Variants in ZNF19 observed in about 807,000 individuals in gnomAD.
ZNF19 encodes zinc finger protein 19 (KOX 12).
ZNF19 carries 11 observed loss-of-function variants against 13.1 expected under a neutral mutation model. The observed-to-expected ratio is 0.84, with a 90% CI of 0.53 to 1.39. The LOEUF (loss-of-function observed/expected upper bound fraction) is 1.39, where lower values mean the gene tolerates loss of function less well. ZNF19 is among the 40% of genes most tolerant of loss of function. The probability of loss-of-function intolerance (pLI) is 0.00; values close to 1 mark genes in which losing one functional copy is unlikely to be tolerated. For missense variants in ZNF19, 560 were observed against 547.0 expected, an observed-to-expected ratio of 1.02 and a Z score of -0.24; for synonymous variants, 186 against 187.0, an observed-to-expected ratio of 0.99 and a Z score of 0.04.
At chr16:71,479,267 G>GA (rs1010236629) in intron 3 of ZNF19, among the ~76,000 whole-genome samples, 2 of 151,988 alleles carry the variant, frequency 1.3e-5, no homozygotes, top group African/African-American at 4.8e-5. Flanking sequence ...TAAACCCTAG[G>GA]AAAAAAAGTC....
Position 71,474,479 on chromosome 16 carries a change from T to C in ZNF19, c.*691A>G, listed in dbSNP as rs1051696028. 1 of 152,244 alleles carries C rather than the reference T, an allele frequency of 6.6e-6. No individual in the cohort carries two copies. Among genetic ancestry groups the C allele is most frequent in the Non-Finnish European group, 1.5e-5 (1 of 68,048 alleles). The allele number at this position is 152,244 out of a possible 1,614,324, so 9.4% of individuals were successfully genotyped here. A position where few individuals can be genotyped will look rare whatever the true frequency, so the allele number is the denominator to read the frequency against. ...ATTTTGTAGTACAATGAGATTTTTG[T>C]TACAGAGCTCAAGTTGTTAGAACTT... On this transcript the variant is annotated 3_prime_UTR_variant, in exon 6 of 6. Coordinates refer to ENST00000288177, the MANE Select transcript of ZNF19 (RefSeq NM_006961.4).
At chr16:71,482,420 T>A (rs28676959) in intron 2 of ZNF19, 9,725 of 342,094 alleles carry the variant, frequency 0.028, 788 homozygotes, top group African/African-American at 0.17. Context: ...AAGACACCAA[T>A]AAACTCAGAG....
intron 3 of ZNF19, among the ~76,000 whole-genome samples, chr16:71,479,342 CT>C (rs750042030): frequency 9.9e-5 from 15 of 152,168 alleles, no homozygotes; most frequent in Admixed American, 5.2e-4. Context: ...CAGTCTTTTA[CT>C]TTTGTACCTA....
At chr16:71,489,104 G>C in intron 1 of ZNF19, 168 bp downstream of exon 1, 1 of 321,652 alleles carries the variant, frequency 3.1e-6, no homozygotes, top group Non-Finnish European at 4.5e-6. Flanking sequence ...GCTTGCAGCT[G>C]TACAGCCTCC....
Position 71,489,294 on chromosome 16 carries a change from G to A in ZNF19, c.-212C>T, listed in dbSNP as rs561025692. The A allele has an allele frequency of 2.1e-5, 21 of 985,544 alleles. No homozygotes were observed. In the South Asian group the frequency reaches 8.5e-4, roughly 40 times the overall value. 61.0% of individuals were successfully genotyped at this position (985,544 alleles called of 1,614,324 possible). The stretch of plus-strand genomic sequence containing the variant: ...CACCTTTGAGCGCGGACTCAAAACA[G>A]GCCAGAAGCGCACCGCTAGCGAGAA... On this transcript the variant is annotated 5_prime_UTR_variant, in exon 1 of 6. Coordinates refer to ENST00000288177, the MANE Select transcript of ZNF19 (RefSeq NM_006961.4).
At position 71,478,930 on chromosome 16, in the gene ZNF19, C is replaced by G; in HGVS notation, c.109G>C (p.Ala37Pro). ...EWTGLSPAQR[A>P]LYRSVMLENF... ...TCCAACATCACACTTCTGTACAGGG[C>G]CCTCTGGGCAGGAGAAAGGCCAGTC... The change falls in exon 4 of 6, where the codon GCC becomes CCC. Residue 37 changes from alanine (A) to proline (P), a missense_variant. By Grantham distance (27) the Ala-to-Pro change is conservative. Coordinates refer to ENST00000288177, the MANE Select transcript of ZNF19 (RefSeq NM_006961.4). 6 of 1,614,202 alleles carry G rather than the reference C, an allele frequency of 3.7e-6. No homozygotes were observed. The highest frequency in any genetic ancestry group is 5.1e-6 in the Non-Finnish European group (6 of 1,180,038).
Position 71,482,153 on chromosome 16 carries a change from G to A in ZNF19, c.-29-10C>T. Reference sequence around the variant, plus strand: ...TCTTAGCAGGCAAAGGCTGAGGGAAGAAACAGAGAGAACCAACAGTGAGCT... The same window carrying A: ...TCTTAGCAGGCAAAGGCTGAGGGAAAAAACAGAGAGAACCAACAGTGAGCT... On this transcript the variant is annotated splice_polypyrimidine_tract_variant and intron_variant, in intron 2 of 5. Transcript: ENST00000288177. The A allele has an allele frequency of 5.6e-6, 9 of 1,613,182 alleles. No individual in the cohort carries two copies. Among genetic ancestry groups the A allele is most frequent in the Non-Finnish European group, 7.6e-6 (9 of 1,179,668 alleles).
chr16:71,476,217 T>G lies in ZNF19; in HGVS notation c.330A>C (p.Glu110Asp), dbSNP rs1310132900. ...ESTLIQGISE[E>D]RDGMMSHGQL... ...GACCATGTGACATCATCCCATCTCT[T>G]TCTTCAGAAATTCCCTGGATTAATG... The change falls in exon 6 of 6, where the codon GAA (glutamate) becomes GAC (aspartate). Residue 110 changes from glutamate to aspartate, a missense_variant. Coordinates refer to ENST00000288177, the MANE Select transcript of ZNF19 (RefSeq NM_006961.4). 1 of 1,614,006 alleles carries G rather than the reference T, an allele frequency of 6.2e-7. No homozygotes were observed. The highest frequency in any genetic ancestry group is 1.3e-5 in the African/African-American group (1 of 74,932).
At chr16:71,486,932 C>T (rs1031951873) in intron 1 of ZNF19, 1 of 152,118 alleles carries the variant, frequency 6.6e-6, no homozygotes, top group Admixed American at 6.5e-5. Flanking sequence ...AAGATGGGAA[C>T]ACTAAAATTA....
At chr16:71,476,293 C>T (rs905759213) in intron 5 of ZNF19, 21 bp from the exon 6 acceptor site, 2 of 1,586,950 alleles carry the variant, frequency 1.3e-6, no homozygotes, top group East Asian at 2.2e-5. Flanking sequence ...AGATAGAAAA[C>T]ACAAATAATG....
At chr16:71,485,989 T>C (rs2145173733) in intron 1 of ZNF19, among the ~76,000 whole-genome samples, 1 of 152,150 alleles carries the variant, frequency 6.6e-6, no homozygotes, top group Non-Finnish European at 1.5e-5. Context: ...TACATTAAGT[T>C]ACATGACAAA....
intron 4 of ZNF19, 134 bp downstream of exon 4, chr16:71,478,745 G>T: frequency 7.7e-7 from 1 of 1,305,312 alleles, no homozygotes; most frequent in Non-Finnish European, 1.1e-6. Context: ...CTGAGCCTCA[G>T]CTCTGCAGTC....
chr16:71,479,090 G>T, intron 3 of ZNF19, 85 bp from the exon 4 acceptor site: 1 of 1,585,000 alleles, frequency 6.3e-7, no homozygotes. Context: ...GTAGGGACTT[G>T]AGGGAAAGTC....
intron 5 of ZNF19, 60 bp from the exon 6 acceptor site, chr16:71,476,332 G>C: frequency 1.3e-6 from 2 of 1,498,880 alleles, no homozygotes; most frequent in South Asian, 1.3e-5. Context: ...AGAAATAATA[G>C]AGCATTGAAA....
At chr16:71,486,130 G>A (rs1056261131) in intron 1 of ZNF19, among the ~76,000 whole-genome samples, 1 of 151,084 alleles carries the variant, frequency 6.6e-6, no homozygotes, top group Non-Finnish European at 1.5e-5. Flanking sequence ...GATCACTTGA[G>A]CCTGGGAGTT....
chr16:71,479,027 GC>G, intron 3 of ZNF19, 22 bp from the exon 4 acceptor site: 1 of 1,614,098 alleles, frequency 6.2e-7, no homozygotes, highest in African/African-American at 1.3e-5. Context: ...GGTTCCTGCT[GC>G]CCCAGAGCCA....
intron 1 of ZNF19, 34 bp from the exon 2 acceptor site, chr16:71,484,782 G>A (rs2043664651): frequency 1.0e-6 from 1 of 976,872 alleles, no homozygotes; most frequent in Non-Finnish European, 1.2e-6. Flanking sequence ...CATTGTTTTC[G>A]CTAATCTCTA....
chr16:71,476,319 A>G, intron 5 of ZNF19, 47 bp from the exon 6 acceptor site: 2 of 1,536,408 alleles, frequency 1.3e-6, no homozygotes, highest in East Asian at 4.5e-5. Flanking sequence ...TGAGAACTAT[A>G]CTAGAAATAA....
intron 5 of ZNF19, 198 bp downstream of exon 5, chr16:71,478,030 A>G: frequency 1.9e-6 from 1 of 538,562 alleles, no homozygotes; most frequent in Non-Finnish European, 3.3e-6. Flanking sequence ...AGAAAGGAAC[A>G]ATGGATTCAA....
Sources: allele counts gnomAD v4.1 joint callset (sites outside exome capture counted in the v4.1 genomes callset), GRCh38; gene constraint gnomAD v4.1.1; transcripts MANE v1.5; gene names NCBI Gene and HGNC (gene_info 2026-07-23, HGNC 2026-07-21).